Variants in DENND1C observed in about 807,000 individuals in gnomAD.
DENND1C encodes the protein DENN domain containing 1C.
Under a neutral mutation model 87.9 loss-of-function variants are expected in DENND1C, and 64 were observed. That is an observed-to-expected ratio of 0.73 (90% confidence interval 0.60 to 0.90). DENND1C has a LOEUF of 0.90. Ranked by LOEUF, DENND1C falls within the 40% of genes least tolerant of loss-of-function variation. The pLI is 0.00. For missense variants in DENND1C, 980 were observed against 1,037.0 expected, an observed-to-expected ratio of 0.95 and a Z score of 0.76; for synonymous variants, 384 against 424.4, an observed-to-expected ratio of 0.90 and a Z score of 1.17.
Position 6,475,693 on chromosome 19 carries a change from G to A in DENND1C, c.825+13C>T, listed in dbSNP as rs776441682. 22 of 1,601,598 alleles carry A rather than the reference G, an allele frequency of 1.4e-5. No homozygotes were observed. In the East Asian group the frequency reaches 1.6e-4, roughly 11 times the overall value. ...CCCTCACGTCCCCGTCGTCTGGGTA[G>A]ATCCACGCTCACCTCGGCGAGACTG... is the stretch of plus-strand genomic sequence containing the variant. On this transcript the variant is annotated intron_variant, in intron 12 of 22. Coordinates refer to ENST00000381480, the MANE Select transcript of DENND1C (RefSeq NM_024898.4).
chr19:6,479,666 T>A lies in DENND1C; in HGVS notation c.176+3A>T. On this transcript the variant is annotated splice_donor_region_variant and intron_variant, in intron 4 of 22. Coordinates refer to ENST00000381480, the MANE Select transcript of DENND1C (RefSeq NM_024898.4). ...GTCCTTGGATCTCCCCGCCCTTCCG[T>A]ACCTTTCCACATCAAAAGGGAAGCA... The A allele has an allele frequency of 6.2e-7, 1 of 1,613,876 alleles. No individual in the cohort carries two copies. Among genetic ancestry groups the A allele is most frequent in the Non-Finnish European group, 8.5e-7 (1 of 1,179,840 alleles).
Position 6,467,734 on chromosome 19 carries a change from A to T in DENND1C, c.2176T>A (p.Phe726Ile). Residue 726 changes from phenylalanine (F) to isoleucine (I), a missense_variant, in exon 23 of 23, where the codon TTT becomes ATT. Coordinates refer to ENST00000381480, the MANE Select transcript of DENND1C (RefSeq NM_024898.4). ...GGCTGGGACGTCCAGGCTATATCAAAGTTGGGCTTTGTGGGGGCCAGAATT... is the reference window on the plus strand; with the variant it reads ...GGCTGGGACGTCCAGGCTATATCAATGTTGGGCTTTGTGGGGGCCAGAATT... ...PQILAPTKPN[F>I]DIAWTSQPLD... 6.6e-7 allele frequency: 1 copy of T among 1,520,206 alleles called. No individual in the cohort carries two copies. The highest frequency in any genetic ancestry group is 1.8e-4 in the Middle Eastern group (1 of 5,612). The allele number at this position is 1,520,206 out of a possible 1,614,324, so 94.2% of individuals were successfully genotyped here.
rs932088557 is a variant in DENND1C, at chr19:6,468,593, T to C, written c.1568A>G (p.Glu523Gly). 1.3e-6 allele frequency: 2 copies of C among 1,528,726 alleles called. No individual in the cohort carries two copies. The highest frequency in any genetic ancestry group is 4.7e-5 in the East Asian group (2 of 42,216). 94.7% of individuals were successfully genotyped at this position (1,528,726 alleles called of 1,614,324 possible). A position where few individuals can be genotyped will look rare whatever the true frequency, so the allele number is the denominator to read the frequency against. ...TTTGCCTTACCCCGCCCCTGGGGGCTCGGAAGTTCCCTCTTCCAGCTGGCG... is the reference window on the plus strand; with the variant it reads ...TTTGCCTTACCCCGCCCCTGGGGGCCCGGAAGTTCCCTCTTCCAGCTGGCG... ...RRRQLEEGTSEPPGAGTPPLS... is the reference protein window; with the variant it reads ...RRRQLEEGTSGPPGAGTPPLS... The change falls in exon 21 of 23, where the codon GAG (glutamate) becomes GGG (glycine). Residue 523 changes from glutamate to glycine, a missense_variant. Physicochemically the swap from Glu to Gly is moderately conservative, Grantham distance 98. Transcript: ENST00000381480.
intron 9 of DENND1C, 30 bp from the exon 10 acceptor site, chr19:6,476,997 G>A: frequency 6.2e-7 from 1 of 1,613,544 alleles, no homozygotes. Flanking sequence ...TCTGGGCGTG[G>A]ACGGGCCCCT....
chr19:6,473,816 G>GGGGGGGGGGGTGGGA (rs1231177042), intron 14 of DENND1C, among the ~76,000 whole-genome samples: 1 of 131,694 alleles, frequency 7.6e-6, no homozygotes. Context: ...GGGGGGTGGG[G>GGGGGGGGGGGTGGGA]GGAGGGAAAT....
At chr19:6,469,261 C>T (rs1316687157) in intron 19 of DENND1C, among the ~76,000 whole-genome samples, 5 of 152,066 alleles carry the variant, frequency 3.3e-5, no homozygotes, top group Non-Finnish European at 7.4e-5. Context: ...GAACTCCTGA[C>T]CTCAAGTGAT....
intron 10 of DENND1C, 151 bp downstream of exon 10, chr19:6,476,706 C>A (rs2092862934): frequency 2.6e-6 from 2 of 770,946 alleles, no homozygotes; most frequent in Non-Finnish European, 4.0e-6. Flanking sequence ...GGCCAGAGTT[C>A]AACTCTCCAA....
chr19:6,469,761 A>T (rs1568393921), intron 18 of DENND1C, 121 bp from the exon 19 acceptor site: 3 of 981,208 alleles, frequency 3.1e-6, no homozygotes, highest in Non-Finnish European at 4.7e-6. Context: ...AAATACGTTC[A>T]CCACCCCCCA....
chr19:6,476,814 G>A (rs1277122362), intron 10 of DENND1C, 43 bp downstream of exon 10: 1 of 1,579,804 alleles, frequency 6.3e-7, no homozygotes, highest in South Asian at 1.1e-5. Context: ...CCGGGGCGGA[G>A]CCAGGCCCTG....
chr19:6,476,292 CT>C (rs2092860060), intron 10 of DENND1C: 1 of 263,604 alleles, frequency 3.8e-6, no homozygotes. Context: ...TGTCCCGCCC[CT>C]AGGGGTGGAT....
Position 6,478,936 on chromosome 19 carries a change from C to T in DENND1C, c.296+1G>A, listed in dbSNP as rs754854024. The T allele has an allele frequency of 3.7e-6, 6 of 1,613,952 alleles. No homozygotes were observed. Among genetic ancestry groups the T allele is most frequent in the South Asian group, 1.1e-5 (1 of 91,082 alleles). ...CCCCCTCCAACCCCCATATCCCGCACCTGAGGATGCAGAGACAGCTCTGGG... is the reference window on the plus strand; with the variant it reads ...CCCCCTCCAACCCCCATATCCCGCATCTGAGGATGCAGAGACAGCTCTGGG... On this transcript the variant is annotated splice_donor_variant, in intron 5 of 22. Coordinates refer to ENST00000381480, the MANE Select transcript of DENND1C (RefSeq NM_024898.4). LOFTEE classifies it high-confidence loss of function.
rs1197322845 is a variant in DENND1C at position 6,475,942 on chromosome 19, G to A, written c.679-5C>T. Reference sequence around the variant, plus strand: ...CGCGTGGACGCACGAGGTCAGCTGGGGAGCGATGGCGGGGCGTGGAGTCAG... The same window carrying A: ...CGCGTGGACGCACGAGGTCAGCTGGAGAGCGATGGCGGGGCGTGGAGTCAG... On this transcript the variant is annotated splice_polypyrimidine_tract_variant and splice_region_variant and intron_variant, in intron 10 of 22. Transcript: ENST00000381480. The A allele has an allele frequency of 1.3e-6, 2 of 1,555,476 alleles. No individual in the cohort carries two copies. The highest frequency in any genetic ancestry group is 1.2e-5 in the South Asian group (1 of 84,598).
Position 6,467,442 on chromosome 19 carries a change from C to T in DENND1C, c.*62G>A. On this transcript the variant is annotated 3_prime_UTR_variant, in exon 23 of 23. Transcript: ENST00000381480. The stretch of plus-strand genomic sequence containing the variant: ...CAGAGAAATTCACCAGGAAAAAAAC[C>T]AGCTTTTTTGGGCTCTTGTGGCTTT... The T allele has an allele frequency of 6.9e-7, 1 of 1,458,344 alleles. No homozygotes were observed. Among genetic ancestry groups the T allele is most frequent in the South Asian group, 1.5e-5 (1 of 67,670 alleles). 90.3% of individuals were successfully genotyped at this position (1,458,344 alleles called of 1,614,324 possible).
chr19:6,469,796 A>G (rs2092817888), intron 18 of DENND1C, 156 bp from the exon 19 acceptor site: 4 of 703,050 alleles, frequency 5.7e-6, no homozygotes, highest in Non-Finnish European at 9.8e-6. Context: ...AGTCAATGCA[A>G]ACTTTCACCC....
intron 20 of DENND1C, 84 bp downstream of exon 20, chr19:6,468,762 G>T: frequency 7.2e-7 from 1 of 1,391,672 alleles, no homozygotes; most frequent in Non-Finnish European, 9.6e-7. Flanking sequence ...GAAGAAGGAG[G>T]TGAGATGTCT....
At position 6,471,181 on chromosome 19, in the gene DENND1C, G is replaced by C. The variant is rs574032072; in HGVS notation, c.1290+84C>G. The stretch of plus-strand genomic sequence containing the variant: ...AACCGGTCTCAAACTTCTGGTCGCA[G>C]CAATCCTTCTATCTCCACCTCCTAA... On this transcript the variant is annotated intron_variant, in intron 17 of 22. Transcript: ENST00000381480. 6.5e-6 allele frequency: 10 copies of C among 1,530,170 alleles called. No individual in the cohort carries two copies. In the South Asian group the frequency reaches 1.2e-4, roughly 18 times the overall value. 94.8% of individuals were successfully genotyped at this position (1,530,170 alleles called of 1,614,324 possible).
rs2092800470 is a variant in DENND1C, at chr19:6,467,307, TC to T, written c.*196del. 1 of 668,634 alleles carries T rather than the reference TC, an allele frequency of 1.5e-6. No individual in the cohort carries two copies. The highest frequency in any genetic ancestry group is 2.2e-6 in the Non-Finnish European group (1 of 445,968). The allele number at this position is 668,634 out of a possible 1,614,324, so 41.4% of individuals were successfully genotyped here. ...AGAGGAATTGTAAGGTTGCCAGGAT[TC>T]TAGAAGACCAGGAGGCTTCCTGGAA... On this transcript the variant is annotated 3_prime_UTR_variant, in exon 23 of 23. Coordinates refer to ENST00000381480, the MANE Select transcript of DENND1C (RefSeq NM_024898.4).
intron 17 of DENND1C, 23 bp downstream of exon 17, chr19:6,471,242 G>C: frequency 6.4e-7 from 1 of 1,573,602 alleles, no homozygotes; most frequent in African/African-American, 1.3e-5. Context: ...AACGCCCACG[G>C]CCTATTGTTC....
Position 6,467,509 on chromosome 19 carries a change from C to A in DENND1C, c.2401G>T (p.Gly801Cys). ...RVADLKKCFE[G>C] is the part of the protein sequence containing the mutation. ...CTCTCTTGGACCCCTGATTCTTAACCCTCAAAGCACTTCTTAAGATCAGCG... is the reference window on the plus strand; with the variant it reads ...CTCTCTTGGACCCCTGATTCTTAACACTCAAAGCACTTCTTAAGATCAGCG... Residue 801 changes from glycine (G) to cysteine (C), a missense_variant, in exon 23 of 23, where the codon GGT (glycine) becomes TGT (cysteine). Gly to Cys is a radical substitution (Grantham distance 159). Coordinates refer to ENST00000381480, the MANE Select transcript of DENND1C (RefSeq NM_024898.4). The A allele has an allele frequency of 3.8e-6, 6 of 1,594,810 alleles. No homozygotes were observed. The highest frequency in any genetic ancestry group is 5.1e-6 in the Non-Finnish European group (6 of 1,172,478).
Sources: allele counts gnomAD v4.1 joint callset (sites outside exome capture counted in the v4.1 genomes callset), GRCh38; gene constraint gnomAD v4.1.1; transcripts MANE v1.5; gene names NCBI Gene and HGNC (gene_info 2026-07-23, HGNC 2026-07-21).